Variants in MTHFD2L observed in about 807,000 individuals in gnomAD.
The protein encoded by MTHFD2L is bifunctional methylenetetrahydrofolate dehydrogenase/cyclohydrolase 2, mitochondrial.
A neutral mutation model predicts 34.9 loss-of-function variants in MTHFD2L; 29 were observed. That is an observed-to-expected ratio of 0.83 (90% CI 0.62 to 1.13). The LOEUF (loss-of-function observed/expected upper bound fraction) is 1.13. MTHFD2L is among the 50% of genes most tolerant of loss of function. The pLI is 0.00. For missense variants in MTHFD2L, 481 were observed against 446.5 expected (o/e 1.08, Z -0.70); for synonymous variants, 167 against 155.7 (o/e 1.07, Z -0.54).
At chr4:74,121,124 C>T (rs1402429153), upstream of MTHFD2L, among the ~76,000 whole-genome samples, 1 of 152,178 alleles carries the variant, frequency 6.6e-6, no homozygotes, top group Non-Finnish European at 1.5e-5. Context: ...GCATGATCAC[C>T]TGTCTCAGCT....
chr4:74,294,679 A>G (rs890570867), intron 7 of MTHFD2L, among the ~76,000 whole-genome samples: 2 of 152,060 alleles, frequency 1.3e-5, no homozygotes, highest in African/African-American at 4.8e-5. Context: ...CATCATCTCT[A>G]TCATCACCTC....
intron 6 of MTHFD2L, among the ~76,000 whole-genome samples, chr4:74,244,804 A>G (rs935786931): frequency 6.6e-6 from 1 of 152,214 alleles, no homozygotes; most frequent in African/African-American, 2.4e-5. Flanking sequence ...ATAGAATCAA[A>G]GAAAGATATC....
At chr4:74,159,475 GT>G (rs1560424251) in intron 1 of MTHFD2L, among the ~76,000 whole-genome samples, 1 of 152,190 alleles carries the variant, frequency 6.6e-6, no homozygotes, top group African/African-American at 2.4e-5. Context: ...TTGAATTTCA[GT>G]TGTTTTAGGG....
chr4:74,221,905 A>G (rs2110111939), intron 5 of MTHFD2L, among the ~76,000 whole-genome samples: 2 of 151,916 alleles, frequency 1.3e-5, no homozygotes, highest in South Asian at 4.1e-4. Flanking sequence ...CTATTTATTT[A>G]TAGGGTGGCT....
At chr4:74,130,406 A>C (rs1229167878) in intron 1 of MTHFD2L, among the ~76,000 whole-genome samples, 1 of 152,234 alleles carries the variant, frequency 6.6e-6, no homozygotes, top group Non-Finnish European at 1.5e-5. Flanking sequence ...TGTCCGCTTC[A>C]TTCCTGAGAT....
intron 1 of MTHFD2L, chr4:74,143,516 A>C (rs1723405954): frequency 1.2e-6 from 1 of 824,898 alleles, no homozygotes; most frequent in East Asian, 1.2e-4. Flanking sequence ...CAGAAGACTA[A>C]ACAAGCACGG....
chr4:74,225,657 A>T (rs1042866262), intron 6 of MTHFD2L, among the ~76,000 whole-genome samples: 1 of 152,186 alleles, frequency 6.6e-6, no homozygotes, highest in African/African-American at 2.4e-5. Context: ...AATTGCTTTG[A>T]CGAACATGGT....
At chr4:74,207,508 A>C (rs1019196862) in intron 5 of MTHFD2L, among the ~76,000 whole-genome samples, 1 of 152,218 alleles carries the variant, frequency 6.6e-6, no homozygotes, top group East Asian at 1.9e-4. Context: ...TGCATCCCAC[A>C]GAAAAAGACT....
At chr4:74,163,922 C>T (rs1726033834) in intron 1 of MTHFD2L, among the ~76,000 whole-genome samples, 1 of 152,200 alleles carries the variant, frequency 6.6e-6, no homozygotes, top group Non-Finnish European at 1.5e-5. Context: ...GTCACCCAGG[C>T]TGGAGTGCAA....
chr4:74,144,402 G>A (rs1723462471), intron 1 of MTHFD2L, among the ~76,000 whole-genome samples: 1 of 152,160 alleles, frequency 6.6e-6, no homozygotes, highest in Non-Finnish European at 1.5e-5. Context: ...GCAATGAGCT[G>A]AGATTGTGCC....
intron 1 of MTHFD2L, among the ~76,000 whole-genome samples, chr4:74,162,907 A>C (rs1335279387): frequency 6.6e-6 from 1 of 152,196 alleles, no homozygotes; most frequent in Non-Finnish European, 1.5e-5. Flanking sequence ...TTAATATTAA[A>C]TCTCATACAA....
At chr4:74,293,555 A>G (rs1047625366) in intron 7 of MTHFD2L, 8 of 977,266 alleles carry the variant, frequency 8.2e-6, no homozygotes, top group Non-Finnish European at 9.7e-6. Context: ...TTCAGCAACC[A>G]GATGAATGTA....
At chr4:74,226,298 G>A (rs1739154116) in intron 6 of MTHFD2L, among the ~76,000 whole-genome samples, 1 of 152,036 alleles carries the variant, frequency 6.6e-6, no homozygotes, top group African/African-American at 2.4e-5. Flanking sequence ...TGTTCTTTGG[G>A]GAAGGAATCA....
upstream of MTHFD2L, among the ~76,000 whole-genome samples, chr4:74,121,644 A>G (rs1450215660): frequency 2.1e-5 from 3 of 145,336 alleles, no homozygotes; most frequent in Non-Finnish European, 4.5e-5. Flanking sequence ...AATTATACAT[A>G]TATAATTATA....
At chr4:74,189,984 T>C (rs968491935) in intron 3 of MTHFD2L, among the ~76,000 whole-genome samples, 1 of 152,200 alleles carries the variant, frequency 6.6e-6, no homozygotes, top group Non-Finnish European at 1.5e-5. Flanking sequence ...ACCTAGAATT[T>C]ATGTAACTCT....
chr4:74,146,822 C>G (rs1013331531), intron 1 of MTHFD2L, among the ~76,000 whole-genome samples: 3 of 152,030 alleles, frequency 2.0e-5, no homozygotes, highest in African/African-American at 7.2e-5. Context: ...AGGCAATCTT[C>G]ATTGCTTTTC....
chr4:74,203,222 G>C (rs1734744216), intron 5 of MTHFD2L, among the ~76,000 whole-genome samples: 1 of 152,084 alleles, frequency 6.6e-6, no homozygotes. Flanking sequence ...GTTTTGAAGA[G>C]CTCTTAGCCC....
chr4:74,149,222 G>T (rs527632649), intron 1 of MTHFD2L, among the ~76,000 whole-genome samples: 61 of 151,784 alleles, frequency 4.0e-4, no homozygotes, highest in African/African-American at 1.4e-3. Context: ...GGGTTATTTT[G>T]TATCCTTTTT....
chr4:74,240,258 T>C (rs1368525929), intron 6 of MTHFD2L, among the ~76,000 whole-genome samples: 2 of 152,210 alleles, frequency 1.3e-5, no homozygotes, highest in Non-Finnish European at 2.9e-5. Context: ...AGTAAATTTC[T>C]ACAAATACAA....
Sources: gnomAD v4.1 joint callset for allele counts (sites outside exome capture counted in the v4.1 genomes callset) on GRCh38, gnomAD v4.1.1 for gene constraint, MANE v1.5 for transcripts, NCBI Gene and HGNC (gene_info 2026-07-23, HGNC 2026-07-21) for gene names.